RSF1: variants seen among roughly 807,000 people sequenced by gnomAD.
RSF1 encodes the protein remodeling and spacing factor 1.
A neutral mutation model predicts 145.2 loss-of-function variants in RSF1; 13 were observed. The observed-to-expected ratio is 0.09, with a 90% CI of 0.06 to 0.14. The LOEUF is 0.14. Among genes scored for constraint, RSF1 ranks in the 10% least tolerant of loss-of-function variants. The pLI is 1.00. For missense variants in RSF1, 1,517 were observed against 1,718.2 expected (o/e 0.88, Z 2.07); for synonymous variants, 577 against 592.6 (o/e 0.97, Z 0.38).
intron 2 of RSF1, among the ~76,000 whole-genome samples, chr11:77,760,470 G>A (rs1948160075): frequency 1.3e-5 from 2 of 152,152 alleles, no homozygotes; most frequent in Admixed American, 1.3e-4. Flanking sequence ...TGTTAGAAAA[G>A]TTCTGGAATT....
Position 77,683,757 on chromosome 11 carries a change from G to A in RSF1, c.3018C>T (p.Asn1006=). The A allele has an allele frequency of 6.2e-7, 1 of 1,613,364 alleles. No homozygotes were observed. Among genetic ancestry groups the A allele is most frequent in the Non-Finnish European group, 8.5e-7 (1 of 1,179,888 alleles). The change falls in exon 11 of 16, where the codon AAC becomes AAT. Residue 1006 remains asparagine, a synonymous_variant. Coordinates refer to ENST00000308488, the MANE Select transcript of RSF1 (RefSeq NM_016578.4). ...KKKDSKKSKA[N]LLERRSTRTR... ...TTCTTGTTGACCTCCTTTCAAGCAA[G>A]TTTGCTTTGGATTTTTTTGAATCTT...
Position 77,743,571 on chromosome 11 carries a change from T to A in RSF1, c.373-2635A>T, listed in dbSNP as rs556850205. ...CTAATTTTTGTATATTGATTTTATA[T>A]CTCGCAATTTTACTGAATTCATTTA... On this transcript the variant is annotated intron_variant, in intron 3 of 15. Coordinates refer to ENST00000308488, the MANE Select transcript of RSF1 (RefSeq NM_016578.4). 2.0e-5 allele frequency among the ~76,000 whole-genome samples: 3 copies of A among 152,382 alleles called. No homozygotes were observed. The South Asian group carries it at 6.2e-4, about 32-fold the overall frequency.
At chr11:77,683,074 C>G (rs1053267156) in intron 11 of RSF1, among the ~76,000 whole-genome samples, 43 of 152,020 alleles carry the variant, frequency 2.8e-4, no homozygotes, top group Non-Finnish European at 1.6e-4. Context: ...GGGTGGATTA[C>G]CAGGTCAAGA....
the RSF1 span, among the ~76,000 whole-genome samples, chr11:77,854,661 GGCT>G: frequency 2.6e-5 from 4 of 152,198 alleles, no homozygotes; most frequent in African/African-American, 7.2e-5. Flanking sequence ...CAACCCCTGT[GGCT>G]GCTTTCGTGG....
At chr11:77,863,609 G>C in the RSF1 span, among the ~76,000 whole-genome samples, 8 of 152,088 alleles carry the variant, frequency 5.3e-5, no homozygotes, top group Admixed American at 3.9e-4. Context: ...GGATGGTCTT[G>C]AACTCCTGGC....
upstream of RSF1, chr11:77,821,175 G>A (rs1033863354): frequency 2.4e-5 from 9 of 369,192 alleles, no homozygotes; most frequent in Non-Finnish European, 3.9e-5. Context: ...AAGCAGCGCT[G>A]GGAGCGTAAG....
intron 7 of RSF1, among the ~76,000 whole-genome samples, chr11:77,696,630 C>T (rs776910196): frequency 6.6e-6 from 1 of 152,200 alleles, no homozygotes; most frequent in Non-Finnish European, 1.5e-5. Flanking sequence ...GTAAAATGCC[C>T]TCTTTTAGTT....
In RSF1 at chr11:77,662,190, T is replaced by C. The variant is rs1959246439; in HGVS notation, c.*4727A>G. 6.6e-6 allele frequency: 1 copy of C among 152,148 alleles called. No individual in the cohort carries two copies. The highest frequency in any genetic ancestry group is 1.5e-5 in the Non-Finnish European group (1 of 68,008). 9.4% of individuals were successfully genotyped at this position (152,148 alleles called of 1,614,324 possible). ...TTGTTATGCCCTCTTATATAACTTA[T>C]GTATAGGATAGTCATATTTTAAAGT... On this transcript the variant is annotated 3_prime_UTR_variant, in exon 16 of 16. Transcript: ENST00000308488.
chr11:77,803,737 T>C (rs1169087988), intron 1 of RSF1, among the ~76,000 whole-genome samples: 1 of 151,942 alleles, frequency 6.6e-6, no homozygotes, highest in African/African-American at 2.4e-5. Flanking sequence ...AAGAGCACGC[T>C]ACTGCACTCC....
chr11:77,847,657 G>C, the RSF1 span, among the ~76,000 whole-genome samples: 1 of 152,176 alleles, frequency 6.6e-6, no homozygotes, highest in African/African-American at 2.4e-5. Context: ...GTTGGAAAAT[G>C]GGAAGAATAG....
chr11:77,732,373 G>A (rs935303842), intron 4 of RSF1, among the ~76,000 whole-genome samples: 4 of 152,130 alleles, frequency 2.6e-5, no homozygotes, highest in African/African-American at 9.7e-5. Context: ...CCTTGTCTCA[G>A]ATGAGATGTT....
chr11:77,752,065 G>A (rs989436440), intron 2 of RSF1, among the ~76,000 whole-genome samples: 4 of 152,194 alleles, frequency 2.6e-5, no homozygotes, highest in African/African-American at 9.6e-5. Context: ...CATTCAAACT[G>A]ATACAGGAGA....
intron 1 of RSF1, among the ~76,000 whole-genome samples, chr11:77,774,156 C>T (rs914067189): frequency 5.9e-5 from 9 of 152,188 alleles, no homozygotes; most frequent in African/African-American, 1.4e-4. Context: ...CCTTTTTCAT[C>T]ACTGTATTCC....
chr11:77,807,584 C>T (rs535545611), intron 1 of RSF1, among the ~76,000 whole-genome samples: 1 of 152,268 alleles, frequency 6.6e-6, no homozygotes, highest in East Asian at 1.9e-4. Flanking sequence ...AGTGGCTATG[C>T]TAATACCAGA....
chr11:77,764,866 C>T (rs971284050), intron 1 of RSF1, among the ~76,000 whole-genome samples, 177 bp from the exon 2 acceptor site: 3 of 152,092 alleles, frequency 2.0e-5, no homozygotes, highest in African/African-American at 7.2e-5. Flanking sequence ...CAAGAAATGA[C>T]CAAAAACCAC....
At chr11:77,684,210 T>A (rs1015175862) in intron 10 of RSF1, among the ~76,000 whole-genome samples, 1 of 152,230 alleles carries the variant, frequency 6.6e-6, no homozygotes, top group Non-Finnish European at 1.5e-5. Flanking sequence ...ACAGGCCTTT[T>A]AAGCTTGTGA....
chr11:77,773,849 A>G (rs1306334396), intron 1 of RSF1, among the ~76,000 whole-genome samples: 1 of 152,210 alleles, frequency 6.6e-6, no homozygotes, highest in African/African-American at 2.4e-5. Context: ...ACTGGCTAAA[A>G]AAGTGTTTTA....
chr11:77,734,665 A>T (rs189219720), intron 4 of RSF1: 122 of 1,420,514 alleles, frequency 8.6e-5, no homozygotes, highest in Non-Finnish European at 8.4e-5. Context: ...GTCAGTGGCC[A>T]ATTTGTGCAG....
chr11:77,787,331 G>A (rs1400431690), intron 1 of RSF1, among the ~76,000 whole-genome samples: 1 of 152,070 alleles, frequency 6.6e-6, no homozygotes, highest in Non-Finnish European at 1.5e-5. Context: ...ACCTATTTTT[G>A]TATAGCCCAA....
Sources: allele counts gnomAD v4.1 joint callset (sites outside exome capture counted in the v4.1 genomes callset), GRCh38; gene constraint gnomAD v4.1.1; transcripts MANE v1.5; gene names NCBI Gene and HGNC (gene_info 2026-07-23, HGNC 2026-07-21).